SCRG1: variants seen among roughly 807,000 people sequenced by gnomAD.
SCRG1 encodes the protein stimulator of chondrogenesis 1, also known as scrapie-responsive protein 1.
A neutral mutation model predicts 7.7 loss-of-function variants in SCRG1; 3 were observed. The ratio of observed to expected loss-of-function variants is 0.39; its 90% CI spans 0.18 to 1.01. The LOEUF (loss-of-function observed/expected upper bound fraction) is 1.01. Among genes scored for constraint, SCRG1 ranks in the 50% least tolerant of loss-of-function variants. The pLI is 0.36. For missense variants in SCRG1, 110 were observed against 117.2 expected (o/e 0.94, Z 0.28); for synonymous variants, 46 against 41.2 (o/e 1.12, Z -0.44).
At chr4:173,414,582 C>G in the SCRG1 span, among the ~76,000 whole-genome samples, 1 of 152,168 alleles carries the variant, frequency 6.6e-6, no homozygotes, top group Admixed American at 6.5e-5. Context: ...AGCCCTCATG[C>G]CCTCTTGATC....
the SCRG1 span, among the ~76,000 whole-genome samples, chr4:173,512,241 C>G: frequency 6.6e-6 from 1 of 152,218 alleles, no homozygotes; most frequent in African/African-American, 2.4e-5. Context: ...GATCTGAAAG[C>G]TAACCCCTTT....
chr4:173,463,566 G>T, the SCRG1 span, among the ~76,000 whole-genome samples: 1 of 152,128 alleles, frequency 6.6e-6, no homozygotes, highest in African/African-American at 2.4e-5. Context: ...ATCAGAATGG[G>T]TTCTCTCCAA....
chr4:173,409,924 A>G (rs955320248), upstream of SCRG1, among the ~76,000 whole-genome samples: 3 of 152,092 alleles, frequency 2.0e-5, no homozygotes, highest in African/African-American at 7.2e-5. Context: ...ATATTAGGTG[A>G]GTGGATATAC....
chr4:173,410,967 T>C (rs1276933700), upstream of SCRG1, among the ~76,000 whole-genome samples: 1 of 152,204 alleles, frequency 6.6e-6, no homozygotes, highest in African/African-American at 2.4e-5. Context: ...TCTGGGGTTC[T>C]GTGCTGTTAA....
rs779759768 is a variant in SCRG1 at position 173,391,253 on chromosome 4, A to G, written c.162T>C (p.Asn54=). Residue 54 remains asparagine, a synonymous_variant, in exon 2 of 3, where the codon AAT becomes AAC. Transcript: ENST00000296506. ...GVADLTQIDV[N]VQDHFWDGKG... ...TCCCATCCCAGAAATGATCCTGGAC[A>G]TTGACATCAATCTGTGTCAGGTCAG... 7.4e-6 allele frequency: 12 copies of G among 1,614,144 alleles called. No individual in the cohort carries two copies. The highest frequency in any genetic ancestry group is 1.0e-5 in the Non-Finnish European group (12 of 1,179,984).
Position 173,386,700 on chromosome 4 carries a change from C to T in SCRG1, c.*1641G>A, listed in dbSNP as rs1348857936. 1 of 152,146 alleles carries T rather than the reference C, an allele frequency of 6.6e-6. No homozygotes were observed. The highest frequency in any genetic ancestry group is 6.6e-5 in the Admixed American group (1 of 15,262). 9.4% of individuals were successfully genotyped at this position (152,146 alleles called of 1,614,324 possible). A position where few individuals can be genotyped will look rare whatever the true frequency, so the allele number is the denominator to read the frequency against. On this transcript the variant is annotated 3_prime_UTR_variant, in exon 3 of 3. Coordinates refer to ENST00000296506, the MANE Select transcript of SCRG1 (RefSeq NM_007281.4). ...CTTTTATTCATAAAATGATATCTCC[C>T]AGATTGCCTGTGTGGTATGGTGTCT...
the SCRG1 span, among the ~76,000 whole-genome samples, chr4:173,446,196 C>T: frequency 6.6e-6 from 1 of 152,182 alleles, no homozygotes; most frequent in Non-Finnish European, 1.5e-5. Flanking sequence ...GACCCTGCTT[C>T]CAACATAAGC....
the SCRG1 span, among the ~76,000 whole-genome samples, chr4:173,485,666 G>A: frequency 1.7e-4 from 26 of 152,190 alleles, no homozygotes; most frequent in Non-Finnish European, 3.5e-4. Context: ...TACTGAAGTT[G>A]AATTAGATTG....
upstream of SCRG1, among the ~76,000 whole-genome samples, chr4:173,399,784 A>G (rs1046337121): frequency 1.3e-5 from 2 of 151,154 alleles, no homozygotes; most frequent in African/African-American, 4.8e-5. Context: ...GCATCTGTTA[A>G]CTGTTGTTTA....
upstream of SCRG1, among the ~76,000 whole-genome samples, chr4:173,410,271 G>C (rs1740010727): frequency 6.6e-6 from 1 of 152,214 alleles, no homozygotes; most frequent in Admixed American, 6.5e-5. Context: ...TGGCAAAGCT[G>C]TCATGTTTAG....
the SCRG1 span, among the ~76,000 whole-genome samples, chr4:173,476,363 A>AAAAAAAAAAATATATATAT: frequency 2.0e-5 from 2 of 98,470 alleles, no homozygotes; most frequent in East Asian, 3.6e-4. Flanking sequence ...GGAAAAAAAA[A>AAAAAAAAAAATATATATAT]ATATATATAT....
At chr4:173,509,404 C>T in the SCRG1 span, among the ~76,000 whole-genome samples, 3 of 152,102 alleles carry the variant, frequency 2.0e-5, no homozygotes, top group Non-Finnish European at 4.4e-5. This position sits in a 1 kb window ranked among gnomAD's most constrained non-coding sequence, Gnocchi z 5.7. Flanking sequence ...TTTTCCTCCC[C>T]GGGAGCACGA....
At chr4:173,454,032 C>T in the SCRG1 span, among the ~76,000 whole-genome samples, 1 of 148,966 alleles carries the variant, frequency 6.7e-6, no homozygotes, top group African/African-American at 2.5e-5. Context: ...GAGCCGAGAT[C>T]GTGCCACTGC....
At chr4:173,432,811 G>A in the SCRG1 span, among the ~76,000 whole-genome samples, 1 of 152,332 alleles carries the variant, frequency 6.6e-6, no homozygotes, top group Non-Finnish European at 1.5e-5. Flanking sequence ...ATATGTTTAA[G>A]GCAGCTGGGC....
chr4:173,386,500 G>A lies in SCRG1; in HGVS notation c.*1841C>T, dbSNP rs1398405620. ...ATTGTGACTACCTCAAAATTGTTTG[G>A]TCCAGCCCAGTAACACTTATTTACA... On this transcript the variant is annotated 3_prime_UTR_variant, in exon 3 of 3. Coordinates refer to ENST00000296506, the MANE Select transcript of SCRG1 (RefSeq NM_007281.4). 6.6e-6 allele frequency: 1 copy of A among 151,840 alleles called. No homozygotes were observed. The highest frequency in any genetic ancestry group is 2.4e-5 in the African/African-American group (1 of 41,304). 9.4% of individuals were successfully genotyped at this position (151,840 alleles called of 1,614,324 possible). A position where few individuals can be genotyped will look rare whatever the true frequency, so the allele number is the denominator to read the frequency against.
chr4:173,484,926 A>AT, the SCRG1 span, among the ~76,000 whole-genome samples: 2 of 53,542 alleles, frequency 3.7e-5, no homozygotes, highest in Admixed American at 3.8e-4. Flanking sequence ...TTTAGATATT[A>AT]TATATTATAT....
the SCRG1 span, among the ~76,000 whole-genome samples, chr4:173,433,628 C>T: frequency 6.6e-6 from 1 of 152,142 alleles, no homozygotes; most frequent in Non-Finnish European, 1.5e-5. Context: ...TGGGGATTTC[C>T]CTTCTTTCTG....
chr4:173,484,089 T>C, the SCRG1 span, among the ~76,000 whole-genome samples: 1 of 83,848 alleles, frequency 1.2e-5, no homozygotes, highest in South Asian at 4.2e-4. Flanking sequence ...TAATATATAA[T>C]ATACCATATA....
At chr4:173,455,031 G>A in the SCRG1 span, among the ~76,000 whole-genome samples, 1 of 151,952 alleles carries the variant, frequency 6.6e-6, no homozygotes, top group Admixed American at 6.6e-5. Flanking sequence ...AGAAATGCGG[G>A]CAAGTCTCAC....
Sources: gnomAD v4.1 joint callset for allele counts (sites outside exome capture counted in the v4.1 genomes callset) on GRCh38, gnomAD v4.1.1 for gene constraint, Gnocchi (gnomAD v3.1) non-coding constraint, MANE v1.5 for transcripts, NCBI Gene and HGNC (gene_info 2026-07-23, HGNC 2026-07-21) for gene names.